The following NDUFS4 variants were observed in gnomAD, a reference collection of about 807,000 sequenced individuals.
NDUFS4 encodes the protein NADH:ubiquinone oxidoreductase subunit S4.
In NDUFS4, 28 loss-of-function variants were observed where a neutral mutation model predicts 24.3. That is an observed-to-expected ratio of 1.15 (90% CI 0.85 to 1.58). NDUFS4 has a LOEUF of 1.58. NDUFS4 is among the 40% of genes most tolerant of loss of function. The pLI is 0.00. For missense variants in NDUFS4, 223 were observed against 207.9 expected (o/e 1.07, Z -0.45); for synonymous variants, 93 against 69.7 (o/e 1.34, Z -1.67).
intron 3 of NDUFS4, among the ~76,000 whole-genome samples, chr5:53,651,982 C>T (rs1366873151): frequency 2.0e-5 from 3 of 152,000 alleles, no homozygotes; most frequent in Non-Finnish European, 4.4e-5. Flanking sequence ...ACCGTGTTAG[C>T]CAGGATGGTC....
At chr5:53,568,991 A>G (rs1749129337) in intron 1 of NDUFS4, among the ~76,000 whole-genome samples, 1 of 152,296 alleles carries the variant, frequency 6.6e-6, no homozygotes. Context: ...TGGTCCTTGA[A>G]TAGGGCTTAC....
intron 4 of NDUFS4, among the ~76,000 whole-genome samples, chr5:53,676,208 G>A (rs10940327): frequency 0.42 from 64,280 of 151,932 alleles, 14,440 homozygotes; most frequent in Admixed American, 0.5. Flanking sequence ...TCCAGGACTG[G>A]GTTGAGAGGG....
intron 2 of NDUFS4, among the ~76,000 whole-genome samples, chr5:53,624,979 T>G (rs544452933): frequency 6.6e-6 from 1 of 152,302 alleles, no homozygotes; most frequent in South Asian, 2.1e-4. Context: ...TGTTTTTGTT[T>G]TTTGAGATAG....
intron 4 of NDUFS4, among the ~76,000 whole-genome samples, chr5:53,670,207 C>T (rs1044334347): frequency 1.1e-4 from 17 of 151,794 alleles, no homozygotes; most frequent in African/African-American, 4.1e-4. Context: ...AAACAAGCCC[C>T]AGATCAATCA....
At chr5:53,609,831 C>A (rs746955836) in intron 2 of NDUFS4, among the ~76,000 whole-genome samples, 1 of 152,042 alleles carries the variant, frequency 6.6e-6, no homozygotes, top group Non-Finnish European at 1.5e-5. Flanking sequence ...ACCTCATGAG[C>A]CAACCTCTGC....
At chr5:53,633,247 A>G (rs1751458889) in intron 2 of NDUFS4, among the ~76,000 whole-genome samples, 1 of 152,228 alleles carries the variant, frequency 6.6e-6, no homozygotes, top group Non-Finnish European at 1.5e-5. Flanking sequence ...TGTTCAAGAC[A>G]TGGAACCCCA....
intron 2 of NDUFS4, among the ~76,000 whole-genome samples, chr5:53,644,907 A>G (rs1218316435): frequency 6.6e-6 from 1 of 152,096 alleles, no homozygotes; most frequent in Non-Finnish European, 1.5e-5. Flanking sequence ...AATCTTGTGG[A>G]TAGAGATAAT....
chr5:53,604,750 A>G lies in NDUFS4; in HGVS notation c.177+1220A>G, dbSNP rs765807641. 11 of 456,212 alleles carry G rather than the reference A, an allele frequency of 2.4e-5. 1 individual carries two copies. The highest frequency in any genetic ancestry group is 1.7e-4 in the South Asian group (11 of 64,570). The allele number at this position is 456,212 out of a possible 1,614,324, so 28.3% of individuals were successfully genotyped here. On this transcript the variant is annotated intron_variant, in intron 2 of 4. Coordinates refer to ENST00000296684, the MANE Select transcript of NDUFS4 (RefSeq NM_002495.4). Reference sequence around the variant, plus strand: ...TTTATCTTGTACCACTGTGTTTTACATTCTGTGGTCTAGCCACACCAAGCC... The same window carrying G: ...TTTATCTTGTACCACTGTGTTTTACGTTCTGTGGTCTAGCCACACCAAGCC...
intron 1 of NDUFS4, among the ~76,000 whole-genome samples, chr5:53,577,077 G>C (rs1749412548): frequency 6.6e-6 from 1 of 152,090 alleles, no homozygotes; most frequent in Non-Finnish European, 1.5e-5. Context: ...TGGTTTATTT[G>C]AGAGCTTGCC....
intron 4 of NDUFS4, among the ~76,000 whole-genome samples, chr5:53,666,798 G>A (rs1752526653): frequency 6.6e-6 from 1 of 152,034 alleles, no homozygotes; most frequent in Non-Finnish European, 1.5e-5. Flanking sequence ...GCTGGATGTG[G>A]TGGTGCGCAC....
intron 4 of NDUFS4, chr5:53,658,880 C>G: frequency 2.6e-6 from 1 of 391,736 alleles, no homozygotes; most frequent in Admixed American, 4.1e-5. Context: ...AATGAAACTA[C>G]TTAACGCCTA....
At chr5:53,672,372 C>T (rs756840134) in intron 4 of NDUFS4, among the ~76,000 whole-genome samples, 1 of 152,076 alleles carries the variant, frequency 6.6e-6, no homozygotes, top group African/African-American at 2.4e-5. Flanking sequence ...CAAAACAGCA[C>T]TAATTCATGT....
At chr5:53,679,712 T>A (rs1469647377) in intron 4 of NDUFS4, among the ~76,000 whole-genome samples, 2 of 152,160 alleles carry the variant, frequency 1.3e-5, no homozygotes, top group East Asian at 3.9e-4. Context: ...TATTACTATT[T>A]CCTAGATATT....
In NDUFS4 at chr5:53,621,690, A is replaced by ATTTTTTTTTTT. The variant is rs58169759; in HGVS notation, c.177+18179_177+18189dup. On this transcript the variant is annotated intron_variant, in intron 2 of 4. Coordinates refer to ENST00000296684, the MANE Select transcript of NDUFS4 (RefSeq NM_002495.4). ...ATATTTGTTATAAACCTCATAGTAA[A>ATTTTTTTTTTT]TTTTTTTTTTTTTTTTTTTTTTTTT... 8.6e-5 allele frequency among the ~76,000 whole-genome samples: 7 copies of ATTTTTTTTTTT among 81,562 alleles called. 1 individual carries two copies. The highest frequency in any genetic ancestry group is 3.9e-4 in the African/African-American group (7 of 18,080). 53.5% of individuals were successfully genotyped at this position (81,562 alleles called of 152,430 possible). A position where few individuals can be genotyped will look rare whatever the true frequency, so the allele number is the denominator to read the frequency against.
chr5:53,629,862 A>C (rs1278056404), intron 2 of NDUFS4, among the ~76,000 whole-genome samples: 1 of 152,140 alleles, frequency 6.6e-6, no homozygotes, highest in Non-Finnish European at 1.5e-5. Context: ...TAATTGGCTC[A>C]TTTAGCCCAT....
intron 1 of NDUFS4, among the ~76,000 whole-genome samples, chr5:53,574,025 GCTTT>G (rs1340300547): frequency 6.6e-6 from 1 of 152,078 alleles, no homozygotes; most frequent in Non-Finnish European, 1.5e-5. Flanking sequence ...GATTCTTTGG[GCTTT>G]CTAAGAAAAT....
intron 2 of NDUFS4, among the ~76,000 whole-genome samples, chr5:53,615,821 A>G (rs1198489662): frequency 6.6e-6 from 1 of 152,172 alleles, no homozygotes; most frequent in Non-Finnish European, 1.5e-5. Flanking sequence ...TATAGGATAC[A>G]GAAATATACC....
At chr5:53,579,356 C>T (rs1268414934) in intron 1 of NDUFS4, among the ~76,000 whole-genome samples, 1 of 151,856 alleles carries the variant, frequency 6.6e-6, no homozygotes, top group Non-Finnish European at 1.5e-5. Flanking sequence ...TCTTGTGAAC[C>T]CACCATCCAA....
At chr5:53,584,463 C>T (rs368711312) in intron 1 of NDUFS4, among the ~76,000 whole-genome samples, 4 of 151,884 alleles carry the variant, frequency 2.6e-5, no homozygotes, top group African/African-American at 9.7e-5. Flanking sequence ...TCAAGTGATT[C>T]TTCTGCCTCA....
Sources: gnomAD v4.1 joint callset for allele counts (sites outside exome capture counted in the v4.1 genomes callset) on GRCh38, gnomAD v4.1.1 for gene constraint, MANE v1.5 for transcripts, NCBI Gene and HGNC (gene_info 2026-07-23, HGNC 2026-07-21) for gene names.